VWA3A: variants seen among roughly 807,000 people sequenced by gnomAD.
The protein encoded by VWA3A is von Willebrand factor A domain-containing protein 3A.
In VWA3A, 134 loss-of-function variants were observed where a neutral mutation model predicts 160.4. The observed-to-expected ratio is 0.84, with a 90% CI of 0.73 to 0.96. The LOEUF (loss-of-function observed/expected upper bound fraction) is 0.96, where lower values mean the gene tolerates loss of function less well. VWA3A is among the 40% of genes least tolerant of loss of function. VWA3A has a pLI of 0.00. For synonymous variants in VWA3A, 476 were observed against 543.4 expected (o/e 0.88, Z 1.72); for missense variants, 1,310 against 1,447.9 (o/e 0.90, Z 1.55).
chr16:22,113,437 C>T (rs1011173665), intron 8 of VWA3A, among the ~76,000 whole-genome samples: 3 of 126,968 alleles, frequency 2.4e-5, no homozygotes, highest in Admixed American at 2.0e-4. Flanking sequence ...GTTGACCAGG[C>T]TGGTCTTGGA....
intron 19 of VWA3A, chr16:22,132,651 G>T (rs1008689534): frequency 3.9e-6 from 2 of 508,518 alleles, no homozygotes; most frequent in Non-Finnish European, 6.9e-6. Context: ...AGGCTTCCAG[G>T]GGATGTGGAT....
chr16:22,155,697 A>G (rs761198721), intron 32 of VWA3A, 33 bp downstream of exon 32: 2 of 1,609,382 alleles, frequency 1.2e-6, no homozygotes, highest in South Asian at 1.1e-5. Flanking sequence ...CCGGCCTGCC[A>G]TGTGGCTACA....
intron 27 of VWA3A, 36 bp downstream of exon 27, chr16:22,146,380 A>G (rs1177179057): frequency 1.3e-6 from 2 of 1,584,634 alleles, no homozygotes; most frequent in South Asian, 2.3e-5. Context: ...GTGGAGGAGC[A>G]TGAGGGGATG....
At position 22,153,221 on chromosome 16, in the gene VWA3A, G is replaced by A. The variant is rs146747575; in HGVS notation, c.3405+587G>A. 2.2e-3 allele frequency among the ~76,000 whole-genome samples: 339 copies of A among 152,202 alleles called. 4 individuals carry two copies. The highest frequency in any genetic ancestry group is 3.3e-3 in the South Asian group (16 of 4,828). ...ATTAGCCAGGCATGGTGGCATGCAC[G>A]TGTAATCCCAGTTACTCGGGAGGCT... On this transcript the variant is annotated intron_variant, in intron 31 of 33. Coordinates refer to ENST00000389398, the MANE Select transcript of VWA3A (RefSeq NM_173615.5).
In VWA3A at chr16:22,096,931, T is replaced by G. The variant is rs951445871; in HGVS notation, c.87T>G (p.Phe29Leu). 1 of 1,547,898 alleles carries G rather than the reference T, an allele frequency of 6.5e-7. No homozygotes were observed. Among genetic ancestry groups the G allele is most frequent in the African/African-American group, 1.4e-5 (1 of 72,904 alleles). The part of the protein sequence containing the change: ...SHVFHGQENM[F>L]LENHCIRRNT... Reference sequence around the variant, plus strand: ...TCTTCCATGGTCAAGAAAATATGTTTCTGGAAAACCATTGGTAAGCATAGT... The same window carrying G: ...TCTTCCATGGTCAAGAAAATATGTTGCTGGAAAACCATTGGTAAGCATAGT... The change falls in exon 2 of 34, where the codon TTT becomes TTG. Residue 29 changes from phenylalanine (F) to leucine (L), a missense_variant. Phe to Leu is a conservative substitution (Grantham distance 22, BLOSUM62 0). Coordinates refer to ENST00000389398, the MANE Select transcript of VWA3A (RefSeq NM_173615.5).
rs1319883126 is a variant in VWA3A, at chr16:22,123,080, T to A, written c.1357-5T>A. 6.3e-7 allele frequency: 1 copy of A among 1,595,686 alleles called. No individual in the cohort carries two copies. The highest frequency in any genetic ancestry group is 8.5e-7 in the Non-Finnish European group (1 of 1,170,440). The stretch of plus-strand genomic sequence containing the variant: ...GCTCACCCTCCTGCCCATGCCTGAG[T>A]ATAGAAGGCAATGATACAATTTGAA... On this transcript the variant is annotated splice_polypyrimidine_tract_variant and splice_region_variant and intron_variant, in intron 14 of 33. Transcript: ENST00000389398.
intron 3 of VWA3A, 136 bp downstream of exon 3, chr16:22,097,831 T>A: frequency 8.3e-7 from 1 of 1,204,378 alleles, no homozygotes; most frequent in Non-Finnish European, 1.1e-6. Flanking sequence ...CATTTATCTC[T>A]AATCCTCTGC....
intron 31 of VWA3A, among the ~76,000 whole-genome samples, chr16:22,154,960 C>CAAAAAAAAAAAAAAAA (rs747770335): frequency 7.3e-5 from 4 of 54,432 alleles, no homozygotes; most frequent in African/African-American, 1.8e-4. Flanking sequence ...GACTCCGTCT[C>CAAAAAAAAAAAAAAAA]AAAAAAAAAA....
intron 6 of VWA3A, among the ~76,000 whole-genome samples, chr16:22,107,588 TA>T (rs1012772267): frequency 2.0e-5 from 3 of 151,080 alleles, no homozygotes; most frequent in Non-Finnish European, 3.0e-5. Context: ...CAAAAAATTT[TA>T]AAAAAAAATA....
chr16:22,115,928 AAAGGAAAGGAAGGG>A (rs2045632146), intron 9 of VWA3A, among the ~76,000 whole-genome samples: 1 of 27,310 alleles, frequency 3.7e-5, no homozygotes, highest in Non-Finnish European at 5.0e-5. Context: ...GAAGGAAAGG[AAAGGAAAGGAAGGG>A]AGGAGGGGGT....
intron 8 of VWA3A, among the ~76,000 whole-genome samples, chr16:22,113,363 C>CTTTT (rs569069206): frequency 0.017 from 799 of 46,214 alleles, 144 homozygotes; most frequent in Middle Eastern, 0.033. Flanking sequence ...GGCTAATTTT[C>CTTTT]TTTTTTTTTT....
At chr16:22,096,280 A>G (rs1230743912) in intron 1 of VWA3A, among the ~76,000 whole-genome samples, 3 of 152,184 alleles carry the variant, frequency 2.0e-5, no homozygotes, top group Non-Finnish European at 2.9e-5. Context: ...CAGGTGTTCA[A>G]TAAGTATTTA....
At position 22,132,639 on chromosome 16, in the gene VWA3A, G is replaced by C. The variant is rs1267322722; in HGVS notation, c.1873-261G>C. 5 of 491,190 alleles carry C rather than the reference G, an allele frequency of 1.0e-5. No individual in the cohort carries two copies. The Admixed American group carries it at 1.3e-4, about 13-fold the overall frequency. 30.4% of individuals were successfully genotyped at this position (491,190 alleles called of 1,614,324 possible). A position where few individuals can be genotyped will look rare whatever the true frequency, so the allele number is the denominator to read the frequency against. On this transcript the variant is annotated intron_variant, in intron 19 of 33. Coordinates refer to ENST00000389398, the MANE Select transcript of VWA3A (RefSeq NM_173615.5). ...TGGAGCCTGGGAGTCTGCATTTCTG[G>C]CAGGCTTCCAGGGGATGTGGATGCT...
At chr16:22,146,206 G>A (rs965712077) in intron 26 of VWA3A, 30 bp from the exon 27 acceptor site, 1 of 1,551,596 alleles carries the variant, frequency 6.4e-7, no homozygotes, top group African/African-American at 1.4e-5. Context: ...CTGATGGGGT[G>A]GGTGCTTGCC....
In VWA3A at chr16:22,121,106, A is replaced by C; in HGVS notation, c.1252+3A>C. 2 of 1,613,922 alleles carry C rather than the reference A, an allele frequency of 1.2e-6. No homozygotes were observed. The highest frequency in any genetic ancestry group is 8.5e-7 in the Non-Finnish European group (1 of 1,179,878). On this transcript the variant is annotated splice_donor_region_variant and intron_variant, in intron 13 of 33. Transcript: ENST00000389398. ...GCTTAAGGTCAATGGTCTGAAAGGT[A>C]AATCTCCAAAGAGGGCAGAACCCAG...
intron 7 of VWA3A, among the ~76,000 whole-genome samples, chr16:22,110,115 G>A (rs60953821): frequency 3.9e-4 from 59 of 152,280 alleles, no homozygotes; most frequent in African/African-American, 1.2e-3. Flanking sequence ...ATGTGACTGC[G>A]TTAACTAATC....
At position 22,140,170 on chromosome 16, in the gene VWA3A, C is replaced by G. The variant is rs1296491144; in HGVS notation, c.2309C>G (p.Pro770Arg). The G allele has an allele frequency of 1.9e-6, 3 of 1,613,556 alleles. No individual in the cohort carries two copies. Among genetic ancestry groups the G allele is most frequent in the South Asian group, 1.1e-5 (1 of 91,034 alleles). Residue 770 changes from proline (P) to arginine (R), a missense_variant, in exon 23 of 34, where the codon CCT becomes CGT. Transcript: ENST00000389398. ...LGARMSIKDDPDREKSPPLKS... is the reference protein window; with the variant it reads ...LGARMSIKDDRDREKSPPLKS... ...GTTTTCTAGAGCATTAAAGATGACC[C>G]TGACAGAGAGAAGAGCCCCCCGCTG... is the stretch of plus-strand genomic sequence containing the variant.
In VWA3A at chr16:22,141,588, C is replaced by T. The variant is rs1360436799; in HGVS notation, c.2390C>T (p.Ala797Val). 5.0e-6 allele frequency: 8 copies of T among 1,610,118 alleles called. No homozygotes were observed. The highest frequency in any genetic ancestry group is 6.8e-6 in the Non-Finnish European group (8 of 1,178,228). ...CAAGCCAAATGTTCCTCAGCTGCGGCCCAGCCAACGAAAGAAGGGATGATG... is the reference window on the plus strand; with the variant it reads ...CAAGCCAAATGTTCCTCAGCTGCGGTCCAGCCAACGAAAGAAGGGATGATG... The part of the protein sequence containing the change: ...SSRVGISPAA[A>V]QPTKEGMMEL... Residue 797 changes from alanine to valine, a missense_variant, in exon 24 of 34, where the codon GCC becomes GTC. Transcript: ENST00000389398.
chr16:22,123,426 T>C (rs1347758147), intron 15 of VWA3A, 187 bp from the exon 16 acceptor site: 6 of 1,524,388 alleles, frequency 3.9e-6, no homozygotes, highest in Non-Finnish European at 5.3e-6. Context: ...TGAAATACCG[T>C]GTGACTCTTC....
Sources: allele counts gnomAD v4.1 joint callset (sites outside exome capture counted in the v4.1 genomes callset), GRCh38; gene constraint gnomAD v4.1.1; transcripts MANE v1.5; gene names NCBI Gene and HGNC (gene_info 2026-07-23, HGNC 2026-07-21).